The following GABRR2 variants were observed in gnomAD, a reference collection of about 807,000 sequenced individuals.
The protein encoded by GABRR2 is gamma-aminobutyric acid receptor subunit rho-2.
In GABRR2, 36 loss-of-function variants were observed where a neutral mutation model predicts 47.0. The observed-to-expected ratio is 0.77, with a 90% CI of 0.59 to 1.01. GABRR2 has a LOEUF of 1.01. Among genes scored for constraint, GABRR2 ranks in the 50% least tolerant of loss-of-function variants. GABRR2 has a pLI of 0.00. For synonymous variants in GABRR2, 204 were observed against 227.5 expected, an observed-to-expected ratio of 0.90 and a Z score of 0.93; for missense variants, 587 against 594.6, an observed-to-expected ratio of 0.99 and a Z score of 0.13.
At chr6:89,277,491 T>C (rs903900366) in intron 2 of GABRR2, among the ~76,000 whole-genome samples, 4 of 152,018 alleles carry the variant, frequency 2.6e-5, no homozygotes, top group African/African-American at 9.7e-5. Flanking sequence ...ACAAGTCAAA[T>C]AACCCAATAC....
chr6:89,281,422 G>A (rs1488385533), intron 2 of GABRR2, among the ~76,000 whole-genome samples: 4 of 152,168 alleles, frequency 2.6e-5, no homozygotes, highest in Non-Finnish European at 5.9e-5. Context: ...CATCACCAAC[G>A]GGCTGCATTT....
chr6:89,264,229 C>A (rs1160323201), intron 8 of GABRR2, among the ~76,000 whole-genome samples, 183 bp downstream of exon 8: 1 of 152,104 alleles, frequency 6.6e-6, no homozygotes, highest in Middle Eastern at 3.2e-3. Flanking sequence ...TGTCTAAAGA[C>A]CTTCTGCTTT....
At chr6:89,284,424 T>C (rs1448626812) in intron 2 of GABRR2, among the ~76,000 whole-genome samples, 1 of 152,174 alleles carries the variant, frequency 6.6e-6, no homozygotes, top group East Asian at 1.9e-4. Flanking sequence ...CATGTGCAGA[T>C]AATTAAGGTA....
intron 2 of GABRR2, among the ~76,000 whole-genome samples, chr6:89,296,420 G>C (rs962725795): frequency 2.6e-5 from 4 of 152,214 alleles, no homozygotes; most frequent in Non-Finnish European, 5.9e-5. Context: ...GTGACATCTG[G>C]GCATCCAGGA....
intron 1 of GABRR2, chr6:89,302,797 TC>T: frequency 6.9e-7 from 1 of 1,440,184 alleles, no homozygotes; most frequent in Non-Finnish European, 9.6e-7. Flanking sequence ...GTGGAGTGGA[TC>T]CCCAACAACA....
chr6:89,301,983 T>C, intron 1 of GABRR2: 2 of 766,856 alleles, frequency 2.6e-6, no homozygotes, highest in Non-Finnish European at 4.6e-6. Context: ...TTCGTCGACC[T>C]GGAGCCCGGG....
At chr6:89,280,211 AATATAT>A (rs35295435) in intron 2 of GABRR2, among the ~76,000 whole-genome samples, 8,084 of 109,714 alleles carry the variant, frequency 0.074, 429 homozygotes, top group Non-Finnish European at 0.1. Flanking sequence ...TCTAAAAACA[AATATAT>A]ATATATATAT....
At position 89,254,649 on chromosome 6, in the gene GABRR2, T is replaced by C. The variant is rs180798175; in HGVS notation, c.*3021A>G. On this transcript the variant is annotated 3_prime_UTR_variant, in exon 9 of 9. Transcript: ENST00000402938. ...ATGTCTTAGATTCAGTGAAGTAAAGTATCATTCATGCATTCCTGATAACAA... is the reference window on the plus strand; with the variant it reads ...ATGTCTTAGATTCAGTGAAGTAAAGCATCATTCATGCATTCCTGATAACAA... 2.6e-5 allele frequency among the ~76,000 whole-genome samples: 4 copies of C among 152,344 alleles called. No homozygotes were observed. The highest frequency in any genetic ancestry group is 3.9e-4 in the East Asian group (2 of 5,192).
At chr6:89,266,575 C>T (rs1773900603) in intron 6 of GABRR2, among the ~76,000 whole-genome samples, 1 of 152,150 alleles carries the variant, frequency 6.6e-6, no homozygotes, top group Non-Finnish European at 1.5e-5. Flanking sequence ...GGTAATGAGA[C>T]ATTTAGAGGC....
At chr6:89,263,866 AG>A (rs1180824722) in intron 8 of GABRR2, among the ~76,000 whole-genome samples, 2 of 152,222 alleles carry the variant, frequency 1.3e-5, no homozygotes, top group African/African-American at 4.8e-5. Flanking sequence ...TACACATAAA[AG>A]GTTTTTTTTT....
intron 2 of GABRR2, among the ~76,000 whole-genome samples, chr6:89,290,073 C>T (rs1365010456): frequency 2.0e-5 from 3 of 152,194 alleles, no homozygotes; most frequent in African/African-American, 4.8e-5. Context: ...ATGACCCAAA[C>T]ACCTCCCATT....
chr6:89,287,107 C>T (rs749960275), intron 2 of GABRR2, among the ~76,000 whole-genome samples: 1 of 152,206 alleles, frequency 6.6e-6, no homozygotes, highest in Non-Finnish European at 1.5e-5. Flanking sequence ...CTCCGTGAGC[C>T]TTGGTGGGAC....
intron 2 of GABRR2, among the ~76,000 whole-genome samples, chr6:89,288,325 TGGAAAAGG>T (rs1472151478): frequency 2.1e-5 from 3 of 145,888 alleles, no homozygotes; most frequent in Admixed American, 6.8e-5. Flanking sequence ...AGCCAGAGAG[TGGAAAAGG>T]AGGAAAGGAG....
intron 2 of GABRR2, among the ~76,000 whole-genome samples, chr6:89,276,681 C>T (rs12209562): frequency 0.32 from 47,907 of 151,790 alleles, 7,733 homozygotes; most frequent in South Asian, 0.38. Context: ...AAGTTATGAC[C>T]GTTGGAAAGT....
intron 8 of GABRR2, among the ~76,000 whole-genome samples, chr6:89,263,393 G>A (rs9451191): frequency 0.2 from 30,886 of 152,110 alleles, 3,460 homozygotes; most frequent in Middle Eastern, 0.28. Context: ...GTTAATTTTT[G>A]GAGGAGCCAA....
At chr6:89,291,580 A>G (rs1774441665) in intron 2 of GABRR2, among the ~76,000 whole-genome samples, 1 of 151,158 alleles carries the variant, frequency 6.6e-6, no homozygotes, top group Admixed American at 6.6e-5. Flanking sequence ...CCTTTTCCTC[A>G]CCGCTGGTGC....
In GABRR2 at chr6:89,269,144, C is replaced by T. The variant is rs1334072719; in HGVS notation, c.379G>A (p.Gly127Ser). Residue 127 changes from glycine to serine, a missense_variant, in exon 4 of 9, where the codon GGC (glycine) becomes AGC (serine). Physicochemically the swap from Gly to Ser is moderately conservative, Grantham distance 56. Transcript: ENST00000402938. ...ACCCAGATCTTCTTCACCAGCCGGC[C>T]ATCGAAGGTCATGCTCTTGTTGCTG... The part of the protein sequence containing the change: ...SASNKSMTFD[G>S]RLVKKIWVPD... 1 of 1,613,902 alleles carries T rather than the reference C, an allele frequency of 6.2e-7. No individual in the cohort carries two copies. Among genetic ancestry groups the T allele is most frequent in the African/African-American group, 1.3e-5 (1 of 74,934 alleles).
chr6:89,264,640 C>T (rs1477482516), intron 7 of GABRR2, 32 bp from the exon 8 acceptor site: 2 of 1,611,226 alleles, frequency 1.2e-6, no homozygotes, highest in African/African-American at 2.7e-5. Context: ...GGGCTGCTGA[C>T]AGCGGTCTAG....
At chr6:89,291,680 T>C (rs1482651232) in intron 2 of GABRR2, among the ~76,000 whole-genome samples, 1 of 152,334 alleles carries the variant, frequency 6.6e-6, no homozygotes, top group Admixed American at 6.5e-5. Context: ...GAACTGAGCA[T>C]TCCCTCCTTT....
Sources: gnomAD v4.1 joint callset for allele counts (sites outside exome capture counted in the v4.1 genomes callset) on GRCh38, gnomAD v4.1.1 for gene constraint, MANE v1.5 for transcripts, NCBI Gene and HGNC (gene_info 2026-07-23, HGNC 2026-07-21) for gene names.